The following TTL variants were observed in gnomAD, a reference collection of about 807,000 sequenced individuals.
TTL encodes the protein tubulin--tyrosine ligase.
A neutral mutation model predicts 41.1 loss-of-function variants in TTL; 10 were observed. That is an observed-to-expected ratio of 0.24 (90% confidence interval 0.15 to 0.41). The LOEUF (loss-of-function observed/expected upper bound fraction) is 0.41, where lower values mean the gene tolerates loss of function less well. Among genes scored for constraint, TTL ranks in the 10% least tolerant of loss-of-function variants. The probability of loss-of-function intolerance (pLI) is 1.00; values close to 1 mark genes in which losing one functional copy is unlikely to be tolerated. For synonymous variants in TTL, 175 were observed against 175.5 expected (o/e 1.00, Z 0.02); for missense variants, 367 against 460.4 (o/e 0.80, Z 1.86).
rs76177853 is a variant in TTL, at chr2:112,540,433, C to CAAAAAAAAAAAAAAAAAAAAA, written c.*11654_*11655insAAAAAAAAAAAAAAAAAAAAA. ...AACTCTGTCTCAAAAAAACAAAAAA[C>CAAAAAAAAAAAAAAAAAAAAA]AAAAAAAAAAAAAAAAGAGAAAGAA... On this transcript the variant is annotated 3_prime_UTR_variant, in exon 7 of 7. Coordinates refer to ENST00000233336, the MANE Select transcript of TTL (RefSeq NM_153712.5). 1 of 113,838 alleles carries CAAAAAAAAAAAAAAAAAAAAA rather than the reference C, an allele frequency of 8.8e-6. No individual in the cohort carries two copies. Among genetic ancestry groups the CAAAAAAAAAAAAAAAAAAAAA allele is most frequent in the Non-Finnish European group, 2.0e-5 (1 of 49,506 alleles). The allele number at this position is 113,838 out of a possible 1,614,324, so 7.1% of individuals were successfully genotyped here. A position where few individuals can be genotyped will look rare whatever the true frequency, so the allele number is the denominator to read the frequency against.
At position 112,502,944 on chromosome 2, in the gene TTL, T is replaced by C; in HGVS notation, c.638T>C (p.Ile213Thr). ...GTCTTGGTGGATCATCAGTATAATA[T>C]CTACCTCTATAGAGAGGGTGTGCTT... ...SWVLVDHQYN[I>T]YLYREGVLRT... Residue 213 changes from isoleucine (I) to threonine (T), a missense_variant, in exon 5 of 7, where the codon ATC becomes ACC. By Grantham distance (89) the Ile-to-Thr change is moderately conservative. Transcript: ENST00000233336. 2 of 1,613,972 alleles carry C rather than the reference T, an allele frequency of 1.2e-6. No homozygotes were observed. Among genetic ancestry groups the C allele is most frequent in the Non-Finnish European group, 1.7e-6 (2 of 1,179,900 alleles).
rs185715030 is a variant in TTL at position 112,530,540 on chromosome 2, C to A, written c.*1745C>A. 3 of 228,586 alleles carry A rather than the reference C, an allele frequency of 1.3e-5. No individual in the cohort carries two copies. Among genetic ancestry groups the A allele is most frequent in the Non-Finnish European group, 2.6e-5 (3 of 115,326 alleles). 14.2% of individuals were successfully genotyped at this position (228,586 alleles called of 1,614,324 possible). ...TTCTGAGATGGGAGTGAGATCTGATCGGATCCTGGGAAGATGTATACCCAG... is the reference window on the plus strand; with the variant it reads ...TTCTGAGATGGGAGTGAGATCTGATAGGATCCTGGGAAGATGTATACCCAG... On this transcript the variant is annotated 3_prime_UTR_variant, in exon 7 of 7. Coordinates refer to ENST00000233336, the MANE Select transcript of TTL (RefSeq NM_153712.5).
At chr2:112,515,729 C>T (rs989496397) in intron 5 of TTL, among the ~76,000 whole-genome samples, 10 of 152,114 alleles carry the variant, frequency 6.6e-5, no homozygotes, top group African/African-American at 9.7e-5. Flanking sequence ...AGGCAGATCA[C>T]GAGGTCAGGA....
rs1558647386 is a variant in TTL at position 112,534,628 on chromosome 2, C to A, written c.*5833C>A. The A allele has an allele frequency of 1.3e-5, 2 of 152,216 alleles. No individual in the cohort carries two copies. The highest frequency in any genetic ancestry group is 1.3e-4 in the Admixed American group (2 of 15,274). The allele number at this position is 152,216 out of a possible 1,614,324, so 9.4% of individuals were successfully genotyped here. A position where few individuals can be genotyped will look rare whatever the true frequency, so the allele number is the denominator to read the frequency against. On this transcript the variant is annotated 3_prime_UTR_variant, in exon 7 of 7. Coordinates refer to ENST00000233336, the MANE Select transcript of TTL (RefSeq NM_153712.5). Reference sequence around the variant, plus strand: ...TAAGAGGTTACCCAGTGTGAACAACCTTTTCCCTGGGTGCATTTGTCAAAA... The same window carrying A: ...TAAGAGGTTACCCAGTGTGAACAACATTTTCCCTGGGTGCATTTGTCAAAA...
At chr2:112,516,154 C>T (rs1404888337) in intron 5 of TTL, among the ~76,000 whole-genome samples, 1 of 152,160 alleles carries the variant, frequency 6.6e-6, no homozygotes, top group Non-Finnish European at 1.5e-5. Context: ...TGTTATTGCA[C>T]ATAACAGTAG....
intron 5 of TTL, among the ~76,000 whole-genome samples, chr2:112,515,439 T>G (rs1682041518): frequency 6.8e-6 from 1 of 147,908 alleles, no homozygotes; most frequent in Non-Finnish European, 1.5e-5. Flanking sequence ...TGGTCTTATT[T>G]CTAAATATGC....
At chr2:112,495,508 A>G (rs960580494) in intron 3 of TTL, among the ~76,000 whole-genome samples, 2 of 152,214 alleles carry the variant, frequency 1.3e-5, no homozygotes, top group Non-Finnish European at 2.9e-5. Context: ...TGTAATGAAC[A>G]CATAAACAAT....
chr2:112,517,842 G>A (rs919452357), intron 5 of TTL, among the ~76,000 whole-genome samples: 1 of 151,488 alleles, frequency 6.6e-6, no homozygotes, highest in East Asian at 2.1e-4. Flanking sequence ...TACTTCGGAA[G>A]CCTGAATTGG....
chr2:112,482,823 G>A lies in TTL; in HGVS notation c.157+322G>A, dbSNP rs1162485877. On this transcript the variant is annotated intron_variant, in intron 1 of 6. Coordinates refer to ENST00000233336, the MANE Select transcript of TTL (RefSeq NM_153712.5). The surrounding 1 kb of genome is among the most constrained non-coding windows in gnomAD (Gnocchi z 5.3). ...AGGCGCGAGTCTAGCGGCTCCCCCG[G>A]GCCGAAGCCCCCAGATTTGGCGGGT... Among the ~76,000 whole-genome samples the A allele has an allele frequency of 6.6e-6, 1 of 152,172 alleles. No homozygotes were observed. Among genetic ancestry groups the A allele is most frequent in the Admixed American group, 6.5e-5 (1 of 15,280 alleles).
chr2:112,485,183 C>T (rs1330488259), intron 1 of TTL, among the ~76,000 whole-genome samples: 1 of 152,216 alleles, frequency 6.6e-6, no homozygotes, highest in Non-Finnish European at 1.5e-5. Context: ...CTCCTGATCT[C>T]AGGTGACTTA....
chr2:112,499,674 G>T lies in TTL; in HGVS notation c.470-1532G>T, dbSNP rs2458984. ...TGCTCTATGAAACACCTCATTAGAG[G>T]ATAAAAATGAGTTACAAACTGGGTG... On this transcript the variant is annotated intron_variant, in intron 3 of 6. Coordinates refer to ENST00000233336, the MANE Select transcript of TTL (RefSeq NM_153712.5). Among the ~76,000 whole-genome samples, 12 of 152,286 alleles carry T rather than the reference G, an allele frequency of 7.9e-5. No homozygotes were observed. In the South Asian group the frequency reaches 1.0e-3, roughly 13 times the overall value.
Position 112,494,214 on chromosome 2 carries a change from C to G in TTL, c.308C>G (p.Thr103Ser). The part of the protein sequence containing the change: ...WFPESYVIYP[T>S]NLKTPVAPAQ... ...CCTGAATCTTATGTGATTTATCCAA[C>G]CAATCTCAAGACTCCAGTTGCTCCA... The change falls in exon 3 of 7, where the codon ACC becomes AGC. Residue 103 changes from threonine to serine, a missense_variant. By Grantham distance (58) the Thr-to-Ser change is moderately conservative (BLOSUM62 1). Transcript: ENST00000233336. The G allele has an allele frequency of 6.2e-7, 1 of 1,614,206 alleles. No individual in the cohort carries two copies. Among genetic ancestry groups the G allele is most frequent in the Non-Finnish European group, 8.5e-7 (1 of 1,180,046 alleles).
Position 112,485,955 on chromosome 2 carries a change from A to G in TTL, c.196A>G (p.Arg66Gly). The change falls in exon 2 of 7, where the codon AGG becomes GGG. Residue 66 changes from arginine to glycine, a missense_variant. Transcript: ENST00000233336. ...GCTGGTACAGTTGGTGAATTACTAC[A>G]GGGGTGCTGACAAACTGTGTCGCAA... The part of the protein sequence containing the change: ...PGLVQLVNYY[R>G]GADKLCRKAS... 2.5e-6 allele frequency: 4 copies of G among 1,614,156 alleles called. No homozygotes were observed. The highest frequency in any genetic ancestry group is 1.1e-5 in the South Asian group (1 of 91,084).
At position 112,503,220 on chromosome 2, in the gene TTL, T is replaced by C. The variant is rs368034334; in HGVS notation, c.875+39T>C. 164 of 1,508,952 alleles carry C rather than the reference T, an allele frequency of 1.1e-4. 1 individual carries two copies. The African/African-American group carries it at 2.1e-3, about 19-fold the overall frequency. The allele number at this position is 1,508,952 out of a possible 1,614,324, so 93.5% of individuals were successfully genotyped here. On this transcript the variant is annotated intron_variant, in intron 5 of 6. Transcript: ENST00000233336. ...ATCTTTTTGGATTACGTGTTTCTTC[T>C]TGAAGGAGCTTTGGCGTCTATGCCT...
chr2:112,502,637 C>CAA (rs59408840), intron 4 of TTL, among the ~76,000 whole-genome samples: 3 of 123,102 alleles, frequency 2.4e-5, no homozygotes, highest in Non-Finnish European at 1.7e-5. Flanking sequence ...AACTCCATCT[C>CAA]AAAAAAAAAA....
intron 5 of TTL, among the ~76,000 whole-genome samples, chr2:112,504,111 A>G (rs77567398): frequency 0.12 from 2,527 of 21,584 alleles, 208 homozygotes; most frequent in East Asian, 0.22. Flanking sequence ...ATGGTTTCCA[A>G]TTTCATCCAT....
At chr2:112,498,857 T>C in intron 3 of TTL, among the ~76,000 whole-genome samples, 1 of 151,930 alleles carries the variant, frequency 6.6e-6, no homozygotes, top group East Asian at 1.9e-4. Flanking sequence ...CAAGACTCCA[T>C]CTCAATCAAT....
chr2:112,503,387 A>G lies in TTL; in HGVS notation c.875+206A>G, dbSNP rs969451338. ...TGATAATGGTTATATGTGTGTGTGT[A>G]TGTGTGTGTGTGTGTGTATATATAT... On this transcript the variant is annotated intron_variant, in intron 5 of 6. Coordinates refer to ENST00000233336, the MANE Select transcript of TTL (RefSeq NM_153712.5). 1.3e-4 allele frequency among the ~76,000 whole-genome samples: 19 copies of G among 142,150 alleles called. 1 individual carries two copies. Among genetic ancestry groups the G allele is most frequent in the East Asian group, 1.1e-3 (5 of 4,604 alleles). 93.3% of individuals were successfully genotyped at this position (142,150 alleles called of 152,430 possible). A position where few individuals can be genotyped will look rare whatever the true frequency, so the allele number is the denominator to read the frequency against.
At chr2:112,515,485 TAC>T (rs1464819811) in intron 5 of TTL, among the ~76,000 whole-genome samples, 1 of 152,210 alleles carries the variant, frequency 6.6e-6, no homozygotes, top group Non-Finnish European at 1.5e-5. Context: ...GTTCACTTAC[TAC>T]AGTTTACTAA....
Sources: gnomAD v4.1 joint callset for allele counts (sites outside exome capture counted in the v4.1 genomes callset) on GRCh38, gnomAD v4.1.1 for gene constraint, Gnocchi (gnomAD v3.1) non-coding constraint, MANE v1.5 for transcripts, NCBI Gene and HGNC (gene_info 2026-07-23, HGNC 2026-07-21) for gene names.